FBXL17: variants seen among roughly 807,000 people sequenced by gnomAD.
The protein encoded by FBXL17 is F-box and leucine rich repeat protein 17, also known as F-box/LRR-repeat protein 17.
Under a neutral mutation model 66.2 loss-of-function variants are expected in FBXL17, and 22 were observed. The ratio of observed to expected loss-of-function variants is 0.33; its 90% CI spans 0.24 to 0.47. FBXL17 has a LOEUF of 0.47. Ranked by LOEUF, FBXL17 falls within the 20% of genes least tolerant of loss-of-function variation. The pLI is 1.00. For synonymous variants in FBXL17, 474 were observed against 400.5 expected (o/e 1.18, Z -2.19); for missense variants, 878 against 948.2 (o/e 0.93, Z 0.97).
chr5:108,208,878 T>C (rs1019804569), intron 5 of FBXL17, among the ~76,000 whole-genome samples: 2 of 152,200 alleles, frequency 1.3e-5, no homozygotes, highest in African/African-American at 4.8e-5. Flanking sequence ...GGGGATAGCT[T>C]TGAATCTATC....
At chr5:107,891,543 TG>T (rs1749197054) in intron 7 of FBXL17, among the ~76,000 whole-genome samples, 1 of 151,924 alleles carries the variant, frequency 6.6e-6, no homozygotes, top group African/African-American at 2.4e-5. Flanking sequence ...ATAATAGAGA[TG>T]GAGAGAAGGG....
chr5:107,877,710 A>G (rs1477190244), intron 8 of FBXL17, among the ~76,000 whole-genome samples: 1 of 152,104 alleles, frequency 6.6e-6, no homozygotes, highest in Non-Finnish European at 1.5e-5. Flanking sequence ...TTTGTTGAGT[A>G]GATGCTGAGG....
At chr5:108,142,026 A>T (rs987405889) in intron 6 of FBXL17, among the ~76,000 whole-genome samples, 1 of 152,228 alleles carries the variant, frequency 6.6e-6, no homozygotes, top group East Asian at 1.9e-4. Context: ...CTAGAATGTC[A>T]GCTCCTTCAG....
intron 4 of FBXL17, among the ~76,000 whole-genome samples, chr5:108,303,025 T>C (rs1232896576): frequency 2.0e-5 from 3 of 151,950 alleles, no homozygotes; most frequent in South Asian, 4.1e-4. Context: ...AGTTTCACCA[T>C]TACATTTAAG....
At chr5:108,175,355 C>G (rs867821238) in intron 6 of FBXL17, among the ~76,000 whole-genome samples, 1 of 152,106 alleles carries the variant, frequency 6.6e-6, no homozygotes, top group Non-Finnish European at 1.5e-5. Flanking sequence ...CAGAGCCATG[C>G]GCTATAGATT....
At chr5:107,963,301 A>G (rs1010691599) in intron 7 of FBXL17, among the ~76,000 whole-genome samples, 3 of 152,138 alleles carry the variant, frequency 2.0e-5, no homozygotes, top group Admixed American at 1.3e-4. Flanking sequence ...AATAAGACAG[A>G]CATAGTCCCC....
Position 108,307,776 on chromosome 5 carries a change from A to G in FBXL17, c.1506+40623T>C, listed in dbSNP as rs115204142. Among the ~76,000 whole-genome samples the G allele has an allele frequency of 2.7e-3, 414 of 152,182 alleles. 4 individuals are homozygous for G. Among genetic ancestry groups the G allele is most frequent in the African/African-American group, 9.5e-3 (396 of 41,548 alleles). On this transcript the variant is annotated intron_variant, in intron 4 of 8. Coordinates refer to ENST00000542267, the MANE Select transcript of FBXL17 (RefSeq NM_001163315.3). Reference sequence around the variant, plus strand: ...AAATTACCCTTCATCTTGACCCATTAACATAGCTTTAAAATAAGACAGCTA... The same window carrying G: ...AAATTACCCTTCATCTTGACCCATTGACATAGCTTTAAAATAAGACAGCTA...
chr5:108,170,455 A>G (rs1379382055), intron 6 of FBXL17, among the ~76,000 whole-genome samples: 2 of 152,294 alleles, frequency 1.3e-5, no homozygotes, highest in Admixed American at 6.5e-5. Flanking sequence ...AAAGATTCCC[A>G]TTTCTATATG....
chr5:108,356,583 C>A (rs779544026), intron 3 of FBXL17, among the ~76,000 whole-genome samples: 10 of 152,024 alleles, frequency 6.6e-5, no homozygotes, highest in Admixed American at 1.3e-4. Context: ...GGGTTACATA[C>A]TATATGATTC....
chr5:108,021,763 T>A (rs1291809249), intron 6 of FBXL17, among the ~76,000 whole-genome samples: 1 of 151,910 alleles, frequency 6.6e-6, no homozygotes, highest in Non-Finnish European at 1.5e-5. Context: ...GTGGCTCAGT[T>A]TCCTATAATA....
At chr5:107,946,284 T>C (rs1333827060) in intron 7 of FBXL17, among the ~76,000 whole-genome samples, 4 of 89,846 alleles carry the variant, frequency 4.5e-5, no homozygotes, top group African/African-American at 1.8e-4. Flanking sequence ...TATATATATA[T>C]ATATATATAT....
chr5:107,870,737 C>G (rs1437715679), intron 8 of FBXL17, among the ~76,000 whole-genome samples: 2 of 151,888 alleles, frequency 1.3e-5, no homozygotes, highest in Non-Finnish European at 2.9e-5. Flanking sequence ...AGGCGCGTGC[C>G]ACCATGCTCA....
At chr5:108,120,522 T>C (rs1750445191) in intron 6 of FBXL17, among the ~76,000 whole-genome samples, 1 of 152,182 alleles carries the variant, frequency 6.6e-6, no homozygotes, top group African/African-American at 2.4e-5. Context: ...ATTATGAGTT[T>C]ATAGTTTGAT....
At chr5:108,380,464 G>A (rs919526320) in intron 1 of FBXL17, among the ~76,000 whole-genome samples, 1 of 152,180 alleles carries the variant, frequency 6.6e-6, no homozygotes, top group South Asian at 2.1e-4. Context: ...AACCCTGAAT[G>A]GTGGGTTATA....
chr5:108,009,570 A>G (rs1011856267), intron 7 of FBXL17, among the ~76,000 whole-genome samples: 1 of 151,880 alleles, frequency 6.6e-6, no homozygotes, highest in African/African-American at 2.4e-5. Context: ...TGAAAAGTTC[A>G]AAGTATTTAT....
Position 107,860,759 on chromosome 5 carries a change from T to A in FBXL17, c.*961A>T, listed in dbSNP as rs1748099628. ...TTATATCTCACTCATGAATCTTCTA[T>A]TAATGTGACTACCCTCTCGTATCTC... On this transcript the variant is annotated 3_prime_UTR_variant, in exon 9 of 9. Coordinates refer to ENST00000542267, the MANE Select transcript of FBXL17 (RefSeq NM_001163315.3). 6.6e-6 allele frequency: 1 copy of A among 152,592 alleles called. No individual in the cohort carries two copies. Among genetic ancestry groups the A allele is most frequent in the Non-Finnish European group, 1.5e-5 (1 of 68,034 alleles). The allele number at this position is 152,592 out of a possible 1,614,324, so 9.5% of individuals were successfully genotyped here.
intron 6 of FBXL17, among the ~76,000 whole-genome samples, chr5:108,155,254 C>T (rs1319582431): frequency 6.6e-6 from 1 of 152,112 alleles, no homozygotes; most frequent in African/African-American, 2.4e-5. Flanking sequence ...CGGTGCCTCA[C>T]GTCTGTAATC....
chr5:107,943,820 C>G (rs796298048), intron 7 of FBXL17, among the ~76,000 whole-genome samples: 10 of 152,230 alleles, frequency 6.6e-5, no homozygotes, highest in African/African-American at 2.4e-4. Context: ...TTTGTCCAAC[C>G]CACTACTGCC....
At chr5:108,320,335 G>C (rs565143959) in intron 4 of FBXL17, among the ~76,000 whole-genome samples, 2 of 151,640 alleles carry the variant, frequency 1.3e-5, no homozygotes, top group African/African-American at 4.8e-5. Flanking sequence ...TAATCATCTG[G>C]GAGAGCATGA....
Sources: gnomAD v4.1 joint callset for allele counts (sites outside exome capture counted in the v4.1 genomes callset) on GRCh38, gnomAD v4.1.1 for gene constraint, MANE v1.5 for transcripts, NCBI Gene and HGNC (gene_info 2026-07-23, HGNC 2026-07-21) for gene names.